Variants in CHODL observed in about 807,000 individuals in gnomAD.
CHODL encodes chondrolectin, also known as transmembrane protein MT75.
Under a neutral mutation model 34.5 loss-of-function variants are expected in CHODL, and 29 were observed. The observed-to-expected ratio is 0.84, with a 90% CI of 0.63 to 1.15. The LOEUF (loss-of-function observed/expected upper bound fraction) is 1.15, where lower values mean the gene tolerates loss of function less well. Among genes scored for constraint, CHODL ranks in the 50% most tolerant of loss-of-function variants. The probability of loss-of-function intolerance (pLI) is 0.00; values close to 1 mark genes in which losing one functional copy is unlikely to be tolerated. For synonymous variants in CHODL, 125 were observed against 116.1 expected (o/e 1.08, Z -0.49); for missense variants, 332 against 332.5 (o/e 1.00, Z 0.01).
chr21:18,021,297 T>C (rs922608127), intron 1 of CHODL, among the ~76,000 whole-genome samples: 2 of 152,196 alleles, frequency 1.3e-5, no homozygotes, highest in African/African-American at 4.8e-5. Flanking sequence ...TGTGTAATTC[T>C]TGAGGCTAAG....
intron 2 of CHODL, among the ~76,000 whole-genome samples, chr21:18,119,566 G>A (rs889646242): frequency 2.0e-5 from 3 of 152,102 alleles, no homozygotes; most frequent in Non-Finnish European, 4.4e-5. Context: ...ACAATGAGGA[G>A]CATTTCTGAA....
At chr21:18,245,754 C>T in intron 1 of CHODL, 1 of 630,554 alleles carries the variant, frequency 1.6e-6, no homozygotes, top group South Asian at 1.9e-5. Context: ...CGGATGCTTT[C>T]TGTGACCAGA....
chr21:18,141,155 AC>A (rs1426184220), intron 2 of CHODL, among the ~76,000 whole-genome samples: 1 of 152,082 alleles, frequency 6.6e-6, no homozygotes, highest in Non-Finnish European at 1.5e-5. Context: ...ATGGAGATAA[AC>A]CCAGAAAGGT....
intron 1 of CHODL, among the ~76,000 whole-genome samples, chr21:17,924,394 C>A (rs547670641): frequency 6.6e-6 from 1 of 152,264 alleles, no homozygotes; most frequent in African/African-American, 2.4e-5. Flanking sequence ...CTCCAAAAAC[C>A]CTTTATTGGA....
At chr21:18,179,976 A>C (rs1350578472) in intron 2 of CHODL, among the ~76,000 whole-genome samples, 1 of 152,170 alleles carries the variant, frequency 6.6e-6, no homozygotes, top group African/African-American at 2.4e-5. Flanking sequence ...GTGATACCAT[A>C]GCTCTGCTAC....
intron 1 of CHODL, among the ~76,000 whole-genome samples, chr21:17,988,140 T>G (rs1004384727): frequency 1.3e-5 from 2 of 152,180 alleles, no homozygotes; most frequent in African/African-American, 4.8e-5. Flanking sequence ...GCAAAACGCA[T>G]TAAGTTTTGC....
rs139915773 is a variant in CHODL, at chr21:18,258,538, A to G, written c.547+1411A>G. Among the ~76,000 whole-genome samples the G allele has an allele frequency of 9.2e-4, 140 of 152,172 alleles. 1 individual carries two copies. The highest frequency in any genetic ancestry group is 3.2e-3 in the African/African-American group (135 of 41,550). ...TATTTAGGACACTGTAAATCTTACA[A>G]TCTTCTTTACTTGTTTATGTATTAG... On this transcript the variant is annotated intron_variant, in intron 3 of 5. Transcript: ENST00000299295.
At chr21:18,181,145 T>C (rs917115861) in intron 2 of CHODL, among the ~76,000 whole-genome samples, 19 of 152,188 alleles carry the variant, frequency 1.2e-4, no homozygotes, top group Non-Finnish European at 2.9e-5. Flanking sequence ...GTGTTATGAA[T>C]AGGAATGTGA....
chr21:17,920,302 A>T (rs927967718), intron 1 of CHODL, among the ~76,000 whole-genome samples: 1 of 152,238 alleles, frequency 6.6e-6, no homozygotes, highest in Non-Finnish European at 1.5e-5. Context: ...AGTTTAATGG[A>T]CTTACAGTTT....
At chr21:18,162,411 TTCTCTCTCTCTC>T (rs58978469) in intron 2 of CHODL, among the ~76,000 whole-genome samples, 3 of 147,804 alleles carry the variant, frequency 2.0e-5, no homozygotes, top group Non-Finnish European at 4.5e-5. Flanking sequence ...ACGTGGTGTT[TTCTCTCTCTCTC>T]TCTCTCTCTC....
chr21:17,969,293 T>C (rs1468612722), intron 1 of CHODL, among the ~76,000 whole-genome samples: 1 of 152,198 alleles, frequency 6.6e-6, no homozygotes, highest in East Asian at 1.9e-4. Flanking sequence ...TAAAGATTCA[T>C]ATTGATATCT....
At position 17,984,177 on chromosome 21, in the gene CHODL, A is replaced by T. The variant is rs369277819; in HGVS notation, c.-144-43695A>T. ...GTGGTTATCCTTCCGTGACTGGCTT[A>T]TTTCATTTAGCATAGTGGTCTTCGG... On this transcript the variant is annotated intron_variant, in intron 1 of 6. Transcript: ENST00000400127. 3.9e-5 allele frequency among the ~76,000 whole-genome samples: 6 copies of T among 152,274 alleles called. 1 individual carries two copies. Among genetic ancestry groups the T allele is most frequent in the Admixed American group, 1.3e-4 (2 of 15,284 alleles).
At chr21:18,222,581 C>A (rs1416814836) in intron 2 of CHODL, among the ~76,000 whole-genome samples, 2 of 152,076 alleles carry the variant, frequency 1.3e-5, no homozygotes, top group Non-Finnish European at 2.9e-5. Flanking sequence ...GGAATGTGGA[C>A]TGCTGAAGAC....
At chr21:18,200,587 C>T (rs1236149922) in intron 2 of CHODL, among the ~76,000 whole-genome samples, 3 of 152,152 alleles carry the variant, frequency 2.0e-5, no homozygotes, top group Admixed American at 6.5e-5. Flanking sequence ...ACATTTGATA[C>T]ATTTCACAAA....
chr21:18,058,364 G>T (rs111647448), intron 2 of CHODL, among the ~76,000 whole-genome samples: 2 of 152,228 alleles, frequency 1.3e-5, no homozygotes, highest in East Asian at 3.9e-4. Context: ...TTAACCAAAG[G>T]AAAGAAAATC....
At chr21:17,957,218 A>T (rs964270757) in intron 1 of CHODL, among the ~76,000 whole-genome samples, 7 of 152,082 alleles carry the variant, frequency 4.6e-5, no homozygotes, top group Admixed American at 1.3e-4. Context: ...GAAATGCTCC[A>T]CCTTGACCAC....
intron 2 of CHODL, among the ~76,000 whole-genome samples, chr21:18,229,078 T>C (rs1024234510): frequency 2.6e-5 from 4 of 152,160 alleles, no homozygotes. Context: ...TAGGGACATA[T>C]AGTAAAAACA....
intron 2 of CHODL, chr21:18,034,424 C>A (rs1453227217): frequency 1.3e-5 from 2 of 151,950 alleles, no homozygotes; most frequent in African/African-American, 4.8e-5. Flanking sequence ...AAGTCTTCCA[C>A]AATCCACAGA....
chr21:17,992,946 C>T (rs1420839311), intron 1 of CHODL, among the ~76,000 whole-genome samples: 2 of 151,980 alleles, frequency 1.3e-5, no homozygotes, highest in Non-Finnish European at 2.9e-5. Context: ...AGCCACGGCG[C>T]CCGGCCGAGG....
Sources: gnomAD v4.1 joint callset for allele counts (sites outside exome capture counted in the v4.1 genomes callset) on GRCh38, gnomAD v4.1.1 for gene constraint, MANE v1.5 for transcripts, NCBI Gene and HGNC (gene_info 2026-07-23, HGNC 2026-07-21) for gene names.